BNC2: variants seen among roughly 807,000 people sequenced by gnomAD.
BNC2 encodes the protein basonuclin zinc finger protein 2, also known as zinc finger protein basonuclin-2.
A neutral mutation model predicts 76.3 loss-of-function variants in BNC2; 20 were observed. The observed-to-expected ratio is 0.26, with a 90% CI of 0.18 to 0.38. The LOEUF (loss-of-function observed/expected upper bound fraction) is 0.38, where lower values mean the gene tolerates loss of function less well. BNC2 is among the 10% of genes least tolerant of loss of function. The probability of loss-of-function intolerance (pLI) is 1.00; values close to 1 mark genes in which losing one functional copy is unlikely to be tolerated. For missense variants in BNC2, 1,382 were observed against 1,399.8 expected (o/e 0.99, Z 0.20); for synonymous variants, 582 against 514.8 (o/e 1.13, Z -1.77).
rs34855187 is a variant in BNC2 at position 16,463,294 on chromosome 9, C to CTTTTTTTTTTTTTTTT, written c.670-25786_670-25771dup. Among the ~76,000 whole-genome samples the CTTTTTTTTTTTTTTTT allele has an allele frequency of 7.6e-5, 8 of 105,606 alleles. 1 individual carries two copies. Among genetic ancestry groups the CTTTTTTTTTTTTTTTT allele is most frequent in the African/African-American group, 3.4e-4 (8 of 23,526 alleles). The allele number at this position is 105,606 out of a possible 152,430, so 69.3% of individuals were successfully genotyped here. A position where few individuals can be genotyped will look rare whatever the true frequency, so the allele number is the denominator to read the frequency against. On this transcript the variant is annotated intron_variant, in intron 5 of 6. Transcript: ENST00000380672. ...ACTGTGAGCATACAAGTATTAAATTCTTTTTTTTTTTTTTTTTTTTGAGAC... is the reference window on the plus strand; with the variant it reads ...ACTGTGAGCATACAAGTATTAAATTCTTTTTTTTTTTTTTTTTTTTTTTTTTTTTTTTTTTTGAGAC...
chr9:16,614,716 G>A (rs1181921480), intron 3 of BNC2, among the ~76,000 whole-genome samples: 1 of 151,998 alleles, frequency 6.6e-6, no homozygotes, highest in East Asian at 1.9e-4. Context: ...AGAGGCTGAG[G>A]CAGGAGGATC....
At chr9:16,669,880 A>C (rs1041780097) in intron 3 of BNC2, among the ~76,000 whole-genome samples, 15 of 152,246 alleles carry the variant, frequency 9.9e-5, no homozygotes, top group Admixed American at 5.9e-4. Context: ...GGACGGTAGG[A>C]AACTTTGATG....
intron 1 of BNC2, among the ~76,000 whole-genome samples, chr9:16,833,222 C>T (rs10962629): frequency 0.39 from 58,572 of 151,990 alleles, 14,526 homozygotes; most frequent in Non-Finnish European, 0.56. Context: ...ATTCATCAGA[C>T]GATGAATAAG....
chr9:16,542,295 G>A (rs943702854), intron 5 of BNC2, among the ~76,000 whole-genome samples: 7 of 151,972 alleles, frequency 4.6e-5, no homozygotes, highest in African/African-American at 1.7e-4. Flanking sequence ...CTCTTATTTG[G>A]GGGGCCTCAT....
At chr9:16,774,226 C>A (rs1228464492) in intron 1 of BNC2, among the ~76,000 whole-genome samples, 1 of 152,118 alleles carries the variant, frequency 6.6e-6, no homozygotes, top group Non-Finnish European at 1.5e-5. Flanking sequence ...GAGTGATCGG[C>A]CCCACCTCAG....
At chr9:16,824,743 G>A (rs1157219626) in intron 1 of BNC2, among the ~76,000 whole-genome samples, 1 of 152,164 alleles carries the variant, frequency 6.6e-6, no homozygotes, top group Non-Finnish European at 1.5e-5. Context: ...GCCACAGAGG[G>A]AACCTGTTTC....
At chr9:16,570,753 G>C (rs1435483492) in intron 4 of BNC2, among the ~76,000 whole-genome samples, 1 of 152,160 alleles carries the variant, frequency 6.6e-6, no homozygotes, top group African/African-American at 2.4e-5. Flanking sequence ...TTAGTGGGCT[G>C]TTTGACATGT....
chr9:16,752,631 C>A (rs890070070), intron 1 of BNC2, among the ~76,000 whole-genome samples: 1 of 131,040 alleles, frequency 7.6e-6, no homozygotes, highest in Admixed American at 8.7e-5. Context: ...TTTAATGACA[C>A]ACAAGTTACA....
intron 5 of BNC2, among the ~76,000 whole-genome samples, chr9:16,499,026 A>C (rs1435078773): frequency 6.6e-6 from 1 of 151,586 alleles, no homozygotes; most frequent in Non-Finnish European, 1.5e-5. Flanking sequence ...TATACCTGCC[A>C]TAAGAAAAGC....
intron 1 of BNC2, among the ~76,000 whole-genome samples, chr9:16,762,744 T>C (rs1191282811): frequency 6.6e-6 from 1 of 152,230 alleles, no homozygotes; most frequent in Non-Finnish European, 1.5e-5. Context: ...TGTCAACTTC[T>C]GGATTCCACA....
chr9:16,618,098 A>G (rs1263627035), intron 3 of BNC2, among the ~76,000 whole-genome samples: 1 of 152,162 alleles, frequency 6.6e-6, no homozygotes, highest in East Asian at 1.9e-4. Flanking sequence ...GACCTGTAAC[A>G]ATGCCATCAA....
intron 3 of BNC2, among the ~76,000 whole-genome samples, chr9:16,607,161 C>T (rs1226242237): frequency 6.6e-6 from 1 of 152,084 alleles, no homozygotes; most frequent in Non-Finnish European, 1.5e-5. Flanking sequence ...CACCATGTTG[C>T]CCAGGCTGAT....
At chr9:16,463,120 TACTG>T (rs1176113532) in intron 5 of BNC2, among the ~76,000 whole-genome samples, 6 of 152,008 alleles carry the variant, frequency 3.9e-5, no homozygotes, top group Non-Finnish European at 7.4e-5. Flanking sequence ...ACTAAGAGTG[TACTG>T]ACTGTGTGTG....
At chr9:16,839,436 G>A (rs76106830) in intron 1 of BNC2, among the ~76,000 whole-genome samples, 3,150 of 152,186 alleles carry the variant, frequency 0.021, 55 homozygotes, top group Non-Finnish European at 0.03. Context: ...AGCTATCCTA[G>A]AATAGAAATA....
At chr9:16,709,259 G>C (rs886822157) in intron 3 of BNC2, among the ~76,000 whole-genome samples, 6 of 152,176 alleles carry the variant, frequency 3.9e-5, no homozygotes, top group African/African-American at 1.4e-4. Flanking sequence ...GGCTTTCTCG[G>C]CCTGTGGTTG....
chr9:16,567,311 T>C (rs1819198046), intron 4 of BNC2, among the ~76,000 whole-genome samples: 1 of 152,016 alleles, frequency 6.6e-6, no homozygotes, highest in Admixed American at 6.6e-5. Flanking sequence ...AAATGGGTAA[T>C]AAATGTAAAG....
chr9:16,860,444 T>C (rs1306740149), intron 1 of BNC2, among the ~76,000 whole-genome samples: 1 of 152,302 alleles, frequency 6.6e-6, no homozygotes, highest in African/African-American at 2.4e-5. Flanking sequence ...AGAAAAACTG[T>C]CTTTTCAACA....
chr9:16,606,646 G>T (rs1479793756), intron 3 of BNC2, among the ~76,000 whole-genome samples: 1 of 151,722 alleles, frequency 6.6e-6, no homozygotes, highest in African/African-American at 2.4e-5. Context: ...CAATTCTCCA[G>T]CCCCAGCCTC....
intron 1 of BNC2, among the ~76,000 whole-genome samples, chr9:16,850,138 T>C (rs1417864429): frequency 6.6e-6 from 1 of 152,208 alleles, no homozygotes; most frequent in East Asian, 1.9e-4. Context: ...CACATCTTAG[T>C]TAAAACTTTT....
Sources: allele counts gnomAD v4.1 joint callset (sites outside exome capture counted in the v4.1 genomes callset), GRCh38; gene constraint gnomAD v4.1.1; transcripts MANE v1.5; gene names NCBI Gene and HGNC (gene_info 2026-07-23, HGNC 2026-07-21).